Variants in SPIDR observed in about 807,000 individuals in gnomAD.
SPIDR encodes DNA repair-scaffolding protein.
SPIDR carries 93 observed loss-of-function variants against 104.6 expected under a neutral mutation model. The ratio of observed to expected loss-of-function variants is 0.89; its 90% CI spans 0.75 to 1.06. SPIDR has a LOEUF of 1.06. Among genes scored for constraint, SPIDR ranks in the 50% least tolerant of loss-of-function variants. The pLI, the probability that SPIDR is intolerant of heterozygous loss-of-function variation, is 0.00. For missense variants in SPIDR, 1,154 were observed against 1,111.2 expected (o/e 1.04, Z -0.55); for synonymous variants, 431 against 416.9 (o/e 1.03, Z -0.41).
intron 7 of SPIDR, among the ~76,000 whole-genome samples, chr8:47,411,810 T>C (rs1180944053): frequency 2.0e-5 from 3 of 152,200 alleles, no homozygotes; most frequent in East Asian, 1.9e-4. Context: ...AGTCTTTAAT[T>C]CATCTTGAAT....
intron 10 of SPIDR, among the ~76,000 whole-genome samples, chr8:47,609,267 GTTA>G (rs2063337578): frequency 6.6e-6 from 1 of 152,050 alleles, no homozygotes; most frequent in Non-Finnish European, 1.5e-5. Context: ...TGTCATTTTT[GTTA>G]TTATTATTGC....
At chr8:47,579,885 C>T (rs2059536649) in intron 8 of SPIDR, among the ~76,000 whole-genome samples, 1 of 152,206 alleles carries the variant, frequency 6.6e-6, no homozygotes, top group African/African-American at 2.4e-5. Flanking sequence ...GTAGGGAGTC[C>T]TGTCCTCCCT....
At position 47,303,830 on chromosome 8, in the gene SPIDR, C is replaced by G. The variant is rs1274049555; in HGVS notation, c.525+9800C>G. 3.9e-5 allele frequency among the ~76,000 whole-genome samples: 6 copies of G among 152,222 alleles called. No individual in the cohort carries two copies. In the East Asian group the frequency reaches 1.2e-3, roughly 29 times the overall value. ...TAGCTTGGATTACAGGCGCCCGTCA[C>G]CATGCCCAACTAATTTTTGTATTTT... On this transcript the variant is annotated intron_variant, in intron 5 of 19. Coordinates refer to ENST00000297423, the MANE Select transcript of SPIDR (RefSeq NM_001080394.4).
intron 5 of SPIDR, among the ~76,000 whole-genome samples, chr8:47,302,462 G>A (rs1264539146): frequency 9.2e-5 from 14 of 152,052 alleles, no homozygotes; most frequent in Non-Finnish European, 7.4e-5. Flanking sequence ...GTCACTCTCC[G>A]TCCAGCTTTG....
chr8:47,389,578 A>G (rs1445387147), intron 5 of SPIDR, among the ~76,000 whole-genome samples: 1 of 149,218 alleles, frequency 6.7e-6, no homozygotes, highest in Non-Finnish European at 1.5e-5. Flanking sequence ...AGTCCCAGCT[A>G]TTCAGGAGGC....
At chr8:47,304,512 A>T (rs1237137190) in intron 5 of SPIDR, among the ~76,000 whole-genome samples, 1 of 152,152 alleles carries the variant, frequency 6.6e-6, no homozygotes, top group Non-Finnish European at 1.5e-5. Flanking sequence ...ATTAAAAAAA[A>T]TTAAAATAAA....
Position 47,514,547 on chromosome 8 carries a change from G to T in SPIDR, c.1097+74005G>T, listed in dbSNP as rs184719271. 7.9e-5 allele frequency among the ~76,000 whole-genome samples: 12 copies of T among 152,282 alleles called. No individual in the cohort carries two copies. In the East Asian group the frequency reaches 1.3e-3, roughly 17 times the overall value. ...GGTAGAAATCTAAAGAAACAGTGAG[G>T]CATAAAAGAGGGGTATGCTCAAATC... On this transcript the variant is annotated intron_variant, in intron 8 of 19. Coordinates refer to ENST00000297423, the MANE Select transcript of SPIDR (RefSeq NM_001080394.4).
rs2062972361 is a variant in SPIDR at position 47,407,912 on chromosome 8, T to C, written c.828T>C (p.Ala276=). ...LNGLQNRERS[A]ISLWRHQCIS... is the part of the protein sequence containing the mutation. ...GACTGCAGAATCGAGAGAGATCTGC[T>C]ATTTCTTTGTGGAGACATCAATGTA... is the stretch of plus-strand genomic sequence containing the variant. The change falls in exon 7 of 20, where the codon GCT becomes GCC. Residue 276 remains alanine, a synonymous_variant. Coordinates refer to ENST00000297423, the MANE Select transcript of SPIDR (RefSeq NM_001080394.4). 6.2e-7 allele frequency: 1 copy of C among 1,606,730 alleles called. No homozygotes were observed. Among genetic ancestry groups the C allele is most frequent in the Non-Finnish European group, 8.5e-7 (1 of 1,175,192 alleles).
chr8:47,661,639 G>C (rs1249673713), intron 10 of SPIDR, among the ~76,000 whole-genome samples: 2 of 152,230 alleles, frequency 1.3e-5, no homozygotes, highest in African/African-American at 4.8e-5. Flanking sequence ...GCTGGTGTCT[G>C]CTGGTTGTCT....
chr8:47,730,125 T>C (rs1382487516), intron 19 of SPIDR, among the ~76,000 whole-genome samples: 1 of 152,200 alleles, frequency 6.6e-6, no homozygotes, highest in African/African-American at 2.4e-5. Flanking sequence ...TTTTTTCTTT[T>C]TTTAAACACT....
chr8:47,517,867 A>T (rs2083402314), intron 8 of SPIDR, among the ~76,000 whole-genome samples: 1 of 152,234 alleles, frequency 6.6e-6, no homozygotes, highest in Admixed American at 6.5e-5. Context: ...TTTTATCAGC[A>T]CTACTTTCTG....
intron 7 of SPIDR, among the ~76,000 whole-genome samples, chr8:47,437,545 A>G (rs2068584203): frequency 6.6e-6 from 1 of 152,142 alleles, no homozygotes; most frequent in South Asian, 2.1e-4. Context: ...ATAATGCCGC[A>G]ATAAAAAACA....
chr8:47,583,190 C>T (rs2059910465), intron 8 of SPIDR, among the ~76,000 whole-genome samples: 1 of 151,378 alleles, frequency 6.6e-6, no homozygotes, highest in Non-Finnish European at 1.5e-5. Context: ...CCTGTAGTCC[C>T]AGCTACTTGG....
intron 8 of SPIDR, chr8:47,511,380 G>T (rs1319147296): frequency 1.1e-6 from 1 of 931,208 alleles, no homozygotes; most frequent in South Asian, 1.3e-5. Context: ...TCTGACCCTC[G>T]CCAGTGAAGG....
At chr8:47,263,960 A>G (rs779222555) in intron 1 of SPIDR, among the ~76,000 whole-genome samples, 38 of 152,242 alleles carry the variant, frequency 2.5e-4, no homozygotes, top group Non-Finnish European at 4.9e-4. Context: ...CATATTCCCC[A>G]GAATACCTGT....
At chr8:47,441,132 T>C (rs2069341680) in intron 8 of SPIDR, among the ~76,000 whole-genome samples, 1 of 152,204 alleles carries the variant, frequency 6.6e-6, no homozygotes, top group Non-Finnish European at 1.5e-5. Flanking sequence ...TTTTTCGTAA[T>C]TTTTTATAAG....
intron 5 of SPIDR, chr8:47,330,976 A>G (rs2048564805): frequency 5.9e-6 from 2 of 338,402 alleles, no homozygotes; most frequent in South Asian, 4.7e-5. Flanking sequence ...CCACCAGCAA[A>G]AGAGTTCCTG....
At chr8:47,651,298 T>C (rs2071576706) in intron 10 of SPIDR, among the ~76,000 whole-genome samples, 1 of 152,090 alleles carries the variant, frequency 6.6e-6, no homozygotes, top group East Asian at 1.9e-4. Flanking sequence ...ATGACATGAA[T>C]AGATATTTCT....
intron 7 of SPIDR, among the ~76,000 whole-genome samples, chr8:47,415,534 G>C (rs1467255355): frequency 2.0e-5 from 3 of 152,172 alleles, no homozygotes; most frequent in African/African-American, 7.2e-5. Flanking sequence ...TAGGAGGTAA[G>C]TAAGGCTTTT....
Sources: allele counts gnomAD v4.1 joint callset (sites outside exome capture counted in the v4.1 genomes callset), GRCh38; gene constraint gnomAD v4.1.1; transcripts MANE v1.5; gene names NCBI Gene and HGNC (gene_info 2026-07-23, HGNC 2026-07-21).